Variants in CBFA2T3 observed in about 807,000 individuals in gnomAD.
The protein encoded by CBFA2T3 is transcriptional corepressor CBFA2T3.
A neutral mutation model predicts 58.6 loss-of-function variants in CBFA2T3; 31 were observed. That is an observed-to-expected ratio of 0.53 (90% CI 0.40 to 0.71). The LOEUF (loss-of-function observed/expected upper bound fraction) is 0.71, where lower values mean the gene tolerates loss of function less well. Among genes scored for constraint, CBFA2T3 ranks in the 30% least tolerant of loss-of-function variants. CBFA2T3 has a pLI of 0.00. For synonymous variants in CBFA2T3, 531 were observed against 421.9 expected (o/e 1.26, Z -3.17); for missense variants, 1,076 against 963.1 (o/e 1.12, Z -1.55).
chr16:88,969,837 T>C (rs546442732), intron 1 of CBFA2T3, among the ~76,000 whole-genome samples: 17 of 149,972 alleles, frequency 1.1e-4, no homozygotes, highest in African/African-American at 4.2e-4. Context: ...GCCTGGGGGG[T>C]TGCGATTTGG....
chr16:88,905,961 C>T (rs967677787), intron 1 of CBFA2T3, among the ~76,000 whole-genome samples: 2 of 146,396 alleles, frequency 1.4e-5, no homozygotes, highest in African/African-American at 5.6e-5. Flanking sequence ...ACAGCCACAG[C>T]AGGAGGCTGA....
At chr16:88,916,913 C>T (rs891685340) in intron 1 of CBFA2T3, among the ~76,000 whole-genome samples, 1 of 151,332 alleles carries the variant, frequency 6.6e-6, no homozygotes, top group Non-Finnish European at 1.5e-5. Flanking sequence ...AACGTTGTAT[C>T]AGTTACTAGA....
intron 2 of CBFA2T3, 151 bp from the exon 3 acceptor site, chr16:88,898,303 G>A (rs773814096): frequency 5.5e-5 from 34 of 623,136 alleles, no homozygotes; most frequent in Non-Finnish European, 7.9e-5. Context: ...CACCCGGGCC[G>A]CCTTTTCTTG....
rs1322821872 is a variant in CBFA2T3 at position 88,976,855 on chromosome 16, T to C, written c.-48A>G. Reference sequence around the variant, plus strand: ...CAACCTGGAGCCCAGGACAGGCCTCTACCAGGACTGCCTTTCCCGACCTCC... The same window carrying C: ...CAACCTGGAGCCCAGGACAGGCCTCCACCAGGACTGCCTTTCCCGACCTCC... On this transcript the variant is annotated 5_prime_UTR_variant, in exon 1 of 12. Transcript: ENST00000268679. 6.6e-7 allele frequency: 1 copy of C among 1,514,618 alleles called. No individual in the cohort carries two copies. Among genetic ancestry groups the C allele is most frequent in the East Asian group, 2.5e-5 (1 of 40,130 alleles). The allele number at this position is 1,514,618 out of a possible 1,614,324, so 93.8% of individuals were successfully genotyped here. A position where few individuals can be genotyped will look rare whatever the true frequency, so the allele number is the denominator to read the frequency against.
At chr16:88,902,713 C>G (rs184487513) in intron 1 of CBFA2T3, among the ~76,000 whole-genome samples, 41 of 152,338 alleles carry the variant, frequency 2.7e-4, no homozygotes, top group African/African-American at 9.9e-4. Context: ...GCAAGGTCAG[C>G]CAGTGCCAAA....
chr16:88,962,841 C>T lies in CBFA2T3; in HGVS notation c.151+13816G>A, dbSNP rs551481800. On this transcript the variant is annotated intron_variant, in intron 1 of 11. Transcript: ENST00000268679. Reference sequence around the variant, plus strand: ...GGAGATGAGGGGCGCTGACCCTGCACGGCTTCTGAGCACCGACATGAATTC... The same window carrying T: ...GGAGATGAGGGGCGCTGACCCTGCATGGCTTCTGAGCACCGACATGAATTC... Among the ~76,000 whole-genome samples the T allele has an allele frequency of 2.4e-4, 36 of 152,344 alleles. 1 individual carries two copies. The East Asian group carries it at 6.4e-3, about 27-fold the overall frequency.
intron 1 of CBFA2T3, among the ~76,000 whole-genome samples, chr16:88,948,147 T>C (rs1292001663): frequency 6.6e-6 from 1 of 152,220 alleles, no homozygotes; most frequent in Non-Finnish European, 1.5e-5. Context: ...ACCATCTCAC[T>C]GTGACCTCCT....
chr16:88,973,836 C>T (rs998839827), intron 1 of CBFA2T3, among the ~76,000 whole-genome samples: 1 of 152,152 alleles, frequency 6.6e-6, no homozygotes, highest in Non-Finnish European at 1.5e-5. Flanking sequence ...AAGCTTCCTG[C>T]ACGGATGGTG....
Position 88,876,676 on chromosome 16 carries a change from G to A in CBFA2T3, c.*300C>T. 1 of 376,288 alleles carries A rather than the reference G, an allele frequency of 2.7e-6. No homozygotes were observed. The highest frequency in any genetic ancestry group is 4.7e-6 in the Non-Finnish European group (1 of 211,482). The allele number at this position is 376,288 out of a possible 1,614,324, so 23.3% of individuals were successfully genotyped here. Reference sequence around the variant, plus strand: ...CAGAGCCGCCGCGCCTGCGGCATCTGCTCTGCTGTCTAAAGCTCAGTCGAG... The same window carrying A: ...CAGAGCCGCCGCGCCTGCGGCATCTACTCTGCTGTCTAAAGCTCAGTCGAG... On this transcript the variant is annotated 3_prime_UTR_variant, in exon 12 of 12. Coordinates refer to ENST00000268679, the MANE Select transcript of CBFA2T3 (RefSeq NM_005187.6).
intron 1 of CBFA2T3, among the ~76,000 whole-genome samples, chr16:88,952,466 T>C (rs1460979568): frequency 1.4e-5 from 2 of 138,150 alleles, no homozygotes; most frequent in East Asian, 2.1e-4. Context: ...GGTGAGGGAG[T>C]TGCCGCCCTC....
intron 1 of CBFA2T3, among the ~76,000 whole-genome samples, chr16:88,940,815 C>A (rs1971695454): frequency 6.6e-6 from 1 of 152,174 alleles, no homozygotes; most frequent in Admixed American, 6.5e-5. Context: ...TCGCCGCAGC[C>A]CCCGCAGGTC....
chr16:88,921,891 G>A (rs1970933696), intron 1 of CBFA2T3, among the ~76,000 whole-genome samples: 1 of 152,190 alleles, frequency 6.6e-6, no homozygotes, highest in African/African-American at 2.4e-5. Flanking sequence ...GTCTACCTGG[G>A]GAATGGGGAC....
intron 1 of CBFA2T3, among the ~76,000 whole-genome samples, chr16:88,962,453 G>A (rs1308361292): frequency 2.0e-5 from 3 of 152,238 alleles, no homozygotes; most frequent in Non-Finnish European, 2.9e-5. Context: ...ACTGTCCTGT[G>A]GGGGACGCTG....
chr16:88,922,425 G>A (rs1055756490), intron 1 of CBFA2T3, among the ~76,000 whole-genome samples: 14 of 152,208 alleles, frequency 9.2e-5, no homozygotes, highest in African/African-American at 2.9e-4. Context: ...TGTCTGCCCC[G>A]GGCACCAGCG....
At chr16:88,918,114 C>T (rs1052978326) in intron 1 of CBFA2T3, among the ~76,000 whole-genome samples, 7 of 152,146 alleles carry the variant, frequency 4.6e-5, no homozygotes, top group Non-Finnish European at 7.4e-5. Context: ...GGAGAGACAG[C>T]GTGGCCTCCC....
At chr16:88,956,022 A>T (rs117749533) in intron 1 of CBFA2T3, among the ~76,000 whole-genome samples, 3 of 120,300 alleles carry the variant, frequency 2.5e-5, no homozygotes, top group African/African-American at 1.0e-4. Context: ...CCACCCAAGG[A>T]TCCTGACCCC....
At chr16:88,940,936 G>A in intron 1 of CBFA2T3, 1 of 708,118 alleles carries the variant, frequency 1.4e-6, no homozygotes, top group Non-Finnish European at 1.7e-6. Context: ...GCTCGGCGCG[G>A]CTGCGGCGCA....
intron 8 of CBFA2T3, among the ~76,000 whole-genome samples, chr16:88,881,822 C>T (rs1032929962): frequency 6.6e-5 from 10 of 152,202 alleles, no homozygotes; most frequent in African/African-American, 2.4e-4. Context: ...AGCATGAGGG[C>T]GAGGGGCGAG....
At chr16:88,919,684 CCA>C (rs1970849265) in intron 1 of CBFA2T3, among the ~76,000 whole-genome samples, 1 of 152,126 alleles carries the variant, frequency 6.6e-6, no homozygotes, top group Non-Finnish European at 1.5e-5. Flanking sequence ...GGGCGGGACC[CCA>C]GTTACTTCTG....
Sources: gnomAD v4.1 joint callset for allele counts (sites outside exome capture counted in the v4.1 genomes callset) on GRCh38, gnomAD v4.1.1 for gene constraint, MANE v1.5 for transcripts, NCBI Gene and HGNC (gene_info 2026-07-23, HGNC 2026-07-21) for gene names.